The following ATP10B variants were observed in gnomAD, a reference collection of about 807,000 sequenced individuals.
ATP10B encodes the protein phospholipid-transporting ATPase VB.
ATP10B carries 122 observed loss-of-function variants against 141.2 expected under a neutral mutation model. The ratio of observed to expected loss-of-function variants is 0.86; its 90% confidence interval spans 0.75 to 1.00. ATP10B has a LOEUF of 1.00. Ranked by LOEUF, ATP10B falls within the 50% of genes least tolerant of loss-of-function variation. The pLI, the probability that ATP10B is intolerant of heterozygous loss-of-function variation, is 0.00. For synonymous variants in ATP10B, 685 were observed against 692.0 expected (o/e 0.99, Z 0.16); for missense variants, 1,876 against 1,825.3 (o/e 1.03, Z -0.51).
intron 6 of ATP10B, among the ~76,000 whole-genome samples, chr5:160,682,449 A>G (rs910495257): frequency 2.6e-5 from 4 of 152,140 alleles, no homozygotes; most frequent in African/African-American, 9.7e-5. Context: ...TGGTTTTCCG[A>G]TGTTCCCTGG....
rs1170629163 is a variant in ATP10B at position 160,704,914 on chromosome 5, C to CTTTTTTTTTTTTTTT, written c.-205+11980_-205+11994dup. 5.7e-3 allele frequency among the ~76,000 whole-genome samples: 474 copies of CTTTTTTTTTTTTTTT among 83,628 alleles called. 33 individuals are homozygous for CTTTTTTTTTTTTTTT. The highest frequency in any genetic ancestry group is 0.017 in the African/African-American group (288 of 17,222). 54.9% of individuals were successfully genotyped at this position (83,628 alleles called of 152,430 possible). A position where few individuals can be genotyped will look rare whatever the true frequency, so the allele number is the denominator to read the frequency against. On this transcript the variant is annotated intron_variant, in intron 3 of 25. Coordinates refer to ENST00000327245, the MANE Select transcript of ATP10B (RefSeq NM_025153.3). ...TGCTAGCTTCCAACATTTCTTTCAT[C>CTTTTTTTTTTTTTTT]TTTTTTTTTTTTTTTTTTTTTGTTG...
intron 1 of ATP10B, among the ~76,000 whole-genome samples, chr5:160,816,230 T>A (rs993913344): frequency 7.7e-6 from 1 of 129,256 alleles, no homozygotes; most frequent in African/African-American, 2.6e-5. Flanking sequence ...TTTGAAAAGA[T>A]CAATAAAAAT....
rs1194048257 is a variant in ATP10B at position 160,721,890 on chromosome 5, T to C, written c.-330-4856A>G. On this transcript the variant is annotated intron_variant, in intron 2 of 25. Coordinates refer to ENST00000327245, the MANE Select transcript of ATP10B (RefSeq NM_025153.3). ...AGCTGGTCCTGTCTTGGAGCCATTA[T>C]AGCATTTTGCAAACAACTGGATCCA... Among the ~76,000 whole-genome samples the C allele has an allele frequency of 2.0e-5, 3 of 152,302 alleles. No individual in the cohort carries two copies. In the East Asian group the frequency reaches 5.8e-4, roughly 29 times the overall value.
chr5:160,578,552 T>C (rs1408642314), intron 24 of ATP10B, among the ~76,000 whole-genome samples: 1 of 147,070 alleles, frequency 6.8e-6, no homozygotes, highest in East Asian at 2.1e-4. Context: ...TATTCCATGG[T>C]ATATATATAT....
intron 2 of ATP10B, among the ~76,000 whole-genome samples, chr5:160,745,441 A>G (rs2963194): frequency 0.58 from 88,670 of 152,090 alleles, 26,496 homozygotes; most frequent in African/African-American, 0.7. Context: ...AGGAGGGACC[A>G]TCCTATCTCT....
At chr5:160,715,761 G>T (rs1765601959) in intron 3 of ATP10B, among the ~76,000 whole-genome samples, 1 of 150,888 alleles carries the variant, frequency 6.6e-6, no homozygotes, top group Admixed American at 6.6e-5. Flanking sequence ...GCCCAGGCTG[G>T]AGTGCAGTGG....
At position 160,688,659 on chromosome 5, in the gene ATP10B, A is replaced by G. The variant is rs1351397399; in HGVS notation, c.-21+101T>C. The G allele has an allele frequency of 6.5e-6, 4 of 619,006 alleles. No individual in the cohort carries two copies. In the Admixed American group the frequency reaches 2.5e-4, roughly 39 times the overall value. The allele number at this position is 619,006 out of a possible 1,614,324, so 38.3% of individuals were successfully genotyped here. A position where few individuals can be genotyped will look rare whatever the true frequency, so the allele number is the denominator to read the frequency against. On this transcript the variant is annotated intron_variant, in intron 4 of 25. Transcript: ENST00000327245. ...AACAAATTGGATAGTACAGAAAAAT[A>G]TATTGGGACACATCTTAAAACAAAG...
Position 160,687,847 on chromosome 5 carries a change from G to A in ATP10B, c.228C>T (p.Tyr76=), listed in dbSNP as rs1763855190. ...YPGNRTCTTK[Y]TLFTFLPRNL... ...TCCGGGGCAGGAAGGTGAAGAGGGT[G>A]TATTTGGTTGTGCAGGTTCTGTTGC... Residue 76 remains tyrosine, a synonymous_variant, in exon 5 of 26, where the codon TAC becomes TAT. Transcript: ENST00000327245. 1.2e-6 allele frequency: 2 copies of A among 1,614,182 alleles called. No homozygotes were observed. Among genetic ancestry groups the A allele is most frequent in the Non-Finnish European group, 8.5e-7 (1 of 1,180,026 alleles).
chr5:160,904,482 T>G, the ATP10B span, among the ~76,000 whole-genome samples: 1 of 125,822 alleles, frequency 7.9e-6, no homozygotes, highest in Non-Finnish European at 1.7e-5. Context: ...TAGCTATATA[T>G]TTGCCTGTAT....
intron 2 of ATP10B, among the ~76,000 whole-genome samples, chr5:160,737,300 T>C (rs1007197379): frequency 5.9e-5 from 9 of 152,132 alleles, no homozygotes; most frequent in African/African-American, 2.2e-4. Context: ...TGGTGTCATA[T>C]TGAGTAGGGA....
Position 160,612,767 on chromosome 5 carries a change from C to A in ATP10B, c.2812G>T (p.Val938Phe), listed in dbSNP as rs1416427858. The change falls in exon 18 of 26, where the codon GTT becomes TTT. Residue 938 changes from valine (V) to phenylalanine (F), a missense_variant. Coordinates refer to ENST00000327245, the MANE Select transcript of ATP10B (RefSeq NM_025153.3). The part of the protein sequence containing the change: ...SCRLLNQTDT[V>F]YTINTENQET... ...TGATTCTCTGTATTGATGGTATAAA[C>A]AGTGTCGGTCTGATTTAACAGTCTG... is the stretch of plus-strand genomic sequence containing the variant. 6.2e-7 allele frequency: 1 copy of A among 1,613,834 alleles called. No homozygotes were observed. The highest frequency in any genetic ancestry group is 1.7e-5 in the Admixed American group (1 of 59,998).
intron 3 of ATP10B, among the ~76,000 whole-genome samples, chr5:160,695,159 G>A (rs138637107): frequency 0.014 from 2,086 of 152,292 alleles, 20 homozygotes; most frequent in Non-Finnish European, 0.018. Context: ...ATTAAAGGCA[G>A]GGGCAACTTC....
intron 3 of ATP10B, among the ~76,000 whole-genome samples, chr5:160,706,243 C>T (rs1051207170): frequency 1.3e-5 from 2 of 152,210 alleles, no homozygotes; most frequent in Admixed American, 6.5e-5. Context: ...AAAACCAGCA[C>T]ATGCTGTTGG....
chr5:160,755,820 A>AT (rs1768498389), intron 2 of ATP10B, among the ~76,000 whole-genome samples: 1 of 51,938 alleles, frequency 1.9e-5, no homozygotes, highest in Non-Finnish European at 3.2e-5. Context: ...GTCTCAAAAA[A>AT]AAAAAAAAAA....
intron 6 of ATP10B, among the ~76,000 whole-genome samples, chr5:160,678,519 C>G (rs1430980761): frequency 1.3e-5 from 2 of 152,064 alleles, no homozygotes; most frequent in Non-Finnish European, 2.9e-5. Flanking sequence ...ATTACCCGGG[C>G]ATGATGGTGC....
At chr5:160,622,707 C>T in intron 13 of ATP10B, 122 bp from the exon 14 acceptor site, 1 of 928,792 alleles carries the variant, frequency 1.1e-6, no homozygotes, top group Non-Finnish European at 1.6e-6. Context: ...AGCATGTTTT[C>T]CTCTCCCACA....
At chr5:160,790,816 G>A (rs1276525766) in intron 1 of ATP10B, among the ~76,000 whole-genome samples, 5 of 152,168 alleles carry the variant, frequency 3.3e-5, no homozygotes, top group Non-Finnish European at 7.3e-5. Flanking sequence ...TGGAATTAAG[G>A]TTACAGAGTT....
chr5:160,687,974 T>C lies in ATP10B; in HGVS notation c.101A>G (p.Glu34Gly). ...PSETTPLLSPEKGRQSYNLTQ... is the reference protein window; with the variant it reads ...PSETTPLLSPGKGRQSYNLTQ... ...CAAGTTGTAGCTCTGTCTCCCTTTC[T>C]CTGGAGAGAGCAGCGGTGTGGTTTC... The change falls in exon 5 of 26, where the codon GAG becomes GGG. Residue 34 changes from glutamate (E) to glycine (G), a missense_variant. Transcript: ENST00000327245. The C allele has an allele frequency of 6.2e-7, 1 of 1,614,126 alleles. No homozygotes were observed. Among genetic ancestry groups the C allele is most frequent in the African/African-American group, 1.3e-5 (1 of 75,022 alleles).
rs143006199 is a variant in ATP10B at position 160,758,750 on chromosome 5, A to G, written c.-331+26809T>C. 3.1e-3 allele frequency among the ~76,000 whole-genome samples: 479 copies of G among 152,308 alleles called. 2 individuals carry two copies. The highest frequency in any genetic ancestry group is 4.8e-3 in the Non-Finnish European group (326 of 68,028). On this transcript the variant is annotated intron_variant, in intron 2 of 25. Transcript: ENST00000327245. ...GTTATTCCTCCTGTCCTGCAGGGTC[A>G]TGTTTTGGAACATGGGAGTCAAGAT...
Sources: allele counts gnomAD v4.1 joint callset (sites outside exome capture counted in the v4.1 genomes callset), GRCh38; gene constraint gnomAD v4.1.1; transcripts MANE v1.5; gene names NCBI Gene and HGNC (gene_info 2026-07-23, HGNC 2026-07-21).